Variants in THSD7B observed in about 807,000 individuals in gnomAD.
The protein encoded by THSD7B is thrombospondin type-1 domain-containing protein 7B.
Under a neutral mutation model 213.6 loss-of-function variants are expected in THSD7B, and 138 were observed. The ratio of observed to expected loss-of-function variants is 0.65; its 90% CI spans 0.56 to 0.74. THSD7B has a LOEUF of 0.74. Among genes scored for constraint, THSD7B ranks in the 30% least tolerant of loss-of-function variants. The pLI is 0.00. For missense variants in THSD7B, 1,931 were observed against 1,991.5 expected, an observed-to-expected ratio of 0.97 and a Z score of 0.58; for synonymous variants, 742 against 687.0, an observed-to-expected ratio of 1.08 and a Z score of -1.25.
rs1482602811 is a variant in THSD7B, at chr2:137,347,343, T to C, written c.2501-58270T>C. Among the ~76,000 whole-genome samples, 4 of 151,680 alleles carry C rather than the reference T, an allele frequency of 2.6e-5. No individual in the cohort carries two copies. The East Asian group carries it at 5.8e-4, about 22-fold the overall frequency. On this transcript the variant is annotated intron_variant, in intron 12 of 27. Transcript: ENST00000409968. ...CTGTAAGTGGGTACGAGTTACATGT[T>C]ACCATAGTGAGAAGTCAGTAGTGTT...
chr2:137,563,438 A>C, intron 16 of THSD7B, 84 bp downstream of exon 16: 1 of 1,510,754 alleles, frequency 6.6e-7, no homozygotes, highest in Non-Finnish European at 9.0e-7. Flanking sequence ...TGTTTATCCA[A>C]GTACACTCTG....
intron 15 of THSD7B, among the ~76,000 whole-genome samples, chr2:137,529,007 TTATTTTCAC>T (rs1018679987): frequency 1.3e-5 from 2 of 152,152 alleles, no homozygotes; most frequent in Non-Finnish European, 2.9e-5. Context: ...ATACATGTAA[TTATTTTCAC>T]TTGAAAAATC....
chr2:136,949,079 G>C (rs1333490181), intron 2 of THSD7B, among the ~76,000 whole-genome samples: 1 of 152,148 alleles, frequency 6.6e-6, no homozygotes, highest in East Asian at 1.9e-4. Context: ...ACCTTACCTT[G>C]TCTTAGTTTG....
intron 12 of THSD7B, among the ~76,000 whole-genome samples, chr2:137,285,536 G>T (rs1003801917): frequency 2.0e-5 from 3 of 150,146 alleles, no homozygotes; most frequent in Admixed American, 1.3e-4. Flanking sequence ...CAGTGTAGCT[G>T]GTACCAGTTG....
intron 15 of THSD7B, among the ~76,000 whole-genome samples, chr2:137,548,490 A>T (rs2105202955): frequency 6.6e-6 from 1 of 152,048 alleles, no homozygotes; most frequent in African/African-American, 2.4e-5. Context: ...CACATTCCAG[A>T]TGACTTATTC....
intron 7 of THSD7B, among the ~76,000 whole-genome samples, chr2:137,172,122 C>T (rs1025109788): frequency 2.0e-5 from 3 of 152,074 alleles, no homozygotes; most frequent in African/African-American, 7.2e-5. Flanking sequence ...TTTTGGTCTT[C>T]GTCCCTGGCT....
chr2:136,872,814 C>CAAAAAAA lies in THSD7B; in HGVS notation c.-35-9312_-35-9306dup, dbSNP rs60759275. Among the ~76,000 whole-genome samples, 23 of 65,538 alleles carry CAAAAAAA rather than the reference C, an allele frequency of 3.5e-4. 1 individual carries two copies. The highest frequency in any genetic ancestry group is 7.3e-4 in the East Asian group (2 of 2,756). 43.0% of individuals were successfully genotyped at this position (65,538 alleles called of 152,430 possible). The stretch of plus-strand genomic sequence containing the variant: ...TGAAACTCTGTCTTTACTGAAAATA[C>CAAAAAAA]AAAAAAAAAAAAAAAAAAAAAAAAG... On this transcript the variant is annotated intron_variant, in intron 1 of 27. Coordinates refer to ENST00000409968, the MANE Select transcript of THSD7B (RefSeq NM_001316349.2).
intron 5 of THSD7B, among the ~76,000 whole-genome samples, chr2:137,119,489 T>C (rs1688507450): frequency 6.6e-6 from 1 of 152,192 alleles, no homozygotes; most frequent in Non-Finnish European, 1.5e-5. Flanking sequence ...TGAGGTGATA[T>C]TTAAAAGGAG....
At chr2:137,336,265 T>G (rs1317110097) in intron 12 of THSD7B, among the ~76,000 whole-genome samples, 1 of 152,206 alleles carries the variant, frequency 6.6e-6, no homozygotes, top group Non-Finnish European at 1.5e-5. Context: ...TAAAAAGTGC[T>G]GATGCAGGAA....
At chr2:137,331,725 G>A (rs942264131) in intron 12 of THSD7B, among the ~76,000 whole-genome samples, 2 of 152,200 alleles carry the variant, frequency 1.3e-5, no homozygotes, top group South Asian at 4.1e-4. Flanking sequence ...CTCAGGCATG[G>A]CGGGCTGCAG....
At chr2:137,078,443 CT>C (rs1687676052) in intron 3 of THSD7B, among the ~76,000 whole-genome samples, 1 of 152,090 alleles carries the variant, frequency 6.6e-6, no homozygotes, top group African/African-American at 2.4e-5. Context: ...GATGCATATC[CT>C]TTATTAAGAG....
chr2:137,589,690 G>A (rs1023242938), intron 17 of THSD7B, among the ~76,000 whole-genome samples: 3 of 152,142 alleles, frequency 2.0e-5, no homozygotes, highest in Non-Finnish European at 4.4e-5. Flanking sequence ...GCATATAAAT[G>A]TATTATCTCA....
intron 3 of THSD7B, among the ~76,000 whole-genome samples, chr2:137,073,750 C>G (rs2104895177): frequency 6.6e-6 from 1 of 152,292 alleles, no homozygotes; most frequent in African/African-American, 2.4e-5. Flanking sequence ...CTACACACTG[C>G]TTTGAATGTG....
At chr2:137,558,956 C>T (rs1681046154) in intron 15 of THSD7B, among the ~76,000 whole-genome samples, 1 of 152,114 alleles carries the variant, frequency 6.6e-6, no homozygotes, top group African/African-American at 2.4e-5. Flanking sequence ...AGTGAACTCC[C>T]ATTCACAATT....
intron 12 of THSD7B, among the ~76,000 whole-genome samples, chr2:137,350,538 C>T (rs1684990092): frequency 6.6e-6 from 1 of 151,730 alleles, no homozygotes; most frequent in Non-Finnish European, 1.5e-5. Flanking sequence ...AAGCCACATT[C>T]ATGTATCTAG....
chr2:137,370,474 T>C (rs1685517447), intron 12 of THSD7B, among the ~76,000 whole-genome samples: 1 of 152,068 alleles, frequency 6.6e-6, no homozygotes, highest in Admixed American at 6.6e-5. Context: ...ATGATAAGGG[T>C]TTTGTTTTGT....
intron 2 of THSD7B, among the ~76,000 whole-genome samples, chr2:136,951,330 C>G (rs1199076847): frequency 6.6e-6 from 1 of 152,078 alleles, no homozygotes; most frequent in Non-Finnish European, 1.5e-5. Flanking sequence ...CTGCATTTAA[C>G]TAGTTAAATG....
chr2:137,648,604 C>T (rs1219464015), intron 21 of THSD7B, among the ~76,000 whole-genome samples: 3 of 152,234 alleles, frequency 2.0e-5, no homozygotes, highest in African/African-American at 7.2e-5. Context: ...CATTATACCA[C>T]GTGTTCTTTA....
chr2:136,963,187 A>G lies in THSD7B; in HGVS notation c.139+80870A>G, dbSNP rs149723642. Among the ~76,000 whole-genome samples the G allele has an allele frequency of 1.2e-3, 187 of 152,298 alleles. 2 individuals carry two copies. The East Asian group carries it at 0.029, about 24-fold the overall frequency. On this transcript the variant is annotated intron_variant, in intron 2 of 27. Transcript: ENST00000409968. Reference sequence around the variant, plus strand: ...TGAAAAATTTGGGTTGGCCTGTTTGACACTGCATGCTATCTCCCTTCCCAC... The same window carrying G: ...TGAAAAATTTGGGTTGGCCTGTTTGGCACTGCATGCTATCTCCCTTCCCAC...
Sources: gnomAD v4.1 joint callset for allele counts (sites outside exome capture counted in the v4.1 genomes callset) on GRCh38, gnomAD v4.1.1 for gene constraint, MANE v1.5 for transcripts, NCBI Gene and HGNC (gene_info 2026-07-23, HGNC 2026-07-21) for gene names.